The following SOX5 variants were observed in gnomAD, a reference collection of about 807,000 sequenced individuals.
SOX5 encodes SRY-box transcription factor 5.
SOX5 carries 9 observed loss-of-function variants against 92.0 expected under a neutral mutation model. The ratio of observed to expected loss-of-function variants is 0.10; its 90% CI spans 0.06 to 0.17. The LOEUF (loss-of-function observed/expected upper bound fraction) is 0.17. SOX5 is among the 10% of genes least tolerant of loss of function. The pLI, the probability that SOX5 is intolerant of heterozygous loss-of-function variation, is 1.00. For synonymous variants in SOX5, 344 were observed against 336.3 expected (o/e 1.02, Z -0.25); for missense variants, 642 against 944.5 (o/e 0.68, Z 4.20).
intron 3 of SOX5, among the ~76,000 whole-genome samples, chr12:24,256,160 T>C (rs1358157078): frequency 2.0e-5 from 3 of 152,176 alleles, no homozygotes; most frequent in Admixed American, 2.0e-4. Flanking sequence ...GCCCGAGATG[T>C]GTGGCAGATA....
At chr12:24,561,364 T>C (rs1034816949) in intron 1 of SOX5, among the ~76,000 whole-genome samples, 2 of 152,228 alleles carry the variant, frequency 1.3e-5, no homozygotes, top group Non-Finnish European at 2.9e-5. Context: ...AGGGTCAATC[T>C]ATTTATTAAT....
intron 1 of SOX5, among the ~76,000 whole-genome samples, chr12:24,544,865 T>A (rs1286470542): frequency 6.6e-6 from 1 of 152,166 alleles, no homozygotes; most frequent in African/African-American, 2.4e-5. Flanking sequence ...TTGAAGTGGG[T>A]GCAAAAAGAA....
chr12:23,615,339 T>A (rs1487585914), intron 8 of SOX5, among the ~76,000 whole-genome samples: 2 of 152,174 alleles, frequency 1.3e-5, no homozygotes, highest in Non-Finnish European at 2.9e-5. Flanking sequence ...ATTTGAGTTT[T>A]GTTTTATTTT....
chr12:23,986,916 C>G (rs187044788), intron 4 of SOX5, among the ~76,000 whole-genome samples: 1 of 152,120 alleles, frequency 6.6e-6, no homozygotes, highest in Non-Finnish European at 1.5e-5. Context: ...AATTGCTCCT[C>G]TTTTTGTGCT....
At chr12:24,133,227 A>C (rs188020932) in intron 4 of SOX5, among the ~76,000 whole-genome samples, 1 of 152,316 alleles carries the variant, frequency 6.6e-6, no homozygotes, top group African/African-American at 2.4e-5. Context: ...TACTCTGTAC[A>C]TGTCACTCCC....
At chr12:23,896,481 A>G (rs2097179064) in intron 1 of SOX5, among the ~76,000 whole-genome samples, 1 of 152,220 alleles carries the variant, frequency 6.6e-6, no homozygotes, top group Non-Finnish European at 1.5e-5. Context: ...GATTGCCATT[A>G]AAACAAATTT....
In SOX5 at chr12:24,550,416, T is replaced by C. The variant is rs544653158; in HGVS notation, c.-251+11913A>G. ...CTTTCTAGCTTCTGCTCTGGACTCATGCCAAACACAATCTCTGATGACCCT... is the reference window on the plus strand; with the variant it reads ...CTTTCTAGCTTCTGCTCTGGACTCACGCCAAACACAATCTCTGATGACCCT... On this transcript the variant is annotated intron_variant, in intron 1 of 4. Coordinates refer to the SOX5 transcript ENST00000446891. Among the ~76,000 whole-genome samples the C allele has an allele frequency of 1.5e-4, 23 of 152,332 alleles. No homozygotes were observed. The South Asian group carries it at 2.3e-3, about 15-fold the overall frequency.
At chr12:24,386,840 A>C (rs995156475) in intron 1 of SOX5, among the ~76,000 whole-genome samples, 2 of 152,230 alleles carry the variant, frequency 1.3e-5, no homozygotes, top group African/African-American at 4.8e-5. Flanking sequence ...ATTTCTAAAA[A>C]TCCAAGTAGT....
chr12:24,450,923 A>G (rs1438418356), intron 1 of SOX5, among the ~76,000 whole-genome samples: 1 of 152,080 alleles, frequency 6.6e-6, no homozygotes, highest in Non-Finnish European at 1.5e-5. Context: ...TTTTGTGCCC[A>G]TTAATCATCC....
intron 2 of SOX5, among the ~76,000 whole-genome samples, chr12:23,874,193 A>G (rs749571708): frequency 6.6e-6 from 1 of 152,256 alleles, no homozygotes; most frequent in Non-Finnish European, 1.5e-5. Flanking sequence ...ATTCATTTTC[A>G]GTAAGATTTA....
intron 4 of SOX5, among the ~76,000 whole-genome samples, chr12:24,051,940 A>G (rs1957598554): frequency 6.6e-6 from 1 of 152,208 alleles, no homozygotes; most frequent in Non-Finnish European, 1.5e-5. Flanking sequence ...GATTATCAAT[A>G]TCCATTTAAT....
chr12:24,159,408 T>C (rs1952525895), intron 4 of SOX5, among the ~76,000 whole-genome samples: 1 of 151,982 alleles, frequency 6.6e-6, no homozygotes, highest in Non-Finnish European at 1.5e-5. Context: ...AAGAAAAATA[T>C]TTATTTTGTA....
intron 3 of SOX5, among the ~76,000 whole-genome samples, chr12:24,226,852 TTGAATGAA>T (rs575561385): frequency 0.02 from 2,439 of 123,144 alleles, 66 homozygotes; most frequent in African/African-American, 0.063. Flanking sequence ...AAAACAGTGA[TTGAATGAA>T]TGAATGAATG....
chr12:23,672,087 C>CA (rs77752280), intron 6 of SOX5, among the ~76,000 whole-genome samples: 187 of 145,600 alleles, frequency 1.3e-3, no homozygotes, highest in Middle Eastern at 3.5e-3. Flanking sequence ...AAAAACAAAA[C>CA]AAAAAAAAAA....
At chr12:24,101,848 T>C (rs569935304) in intron 4 of SOX5, among the ~76,000 whole-genome samples, 4 of 152,252 alleles carry the variant, frequency 2.6e-5, no homozygotes, top group Admixed American at 2.0e-4. Flanking sequence ...GATAGACCCA[T>C]ACCAATAAAA....
At chr12:24,033,515 C>T (rs1332448647) in intron 4 of SOX5, among the ~76,000 whole-genome samples, 1 of 151,940 alleles carries the variant, frequency 6.6e-6, no homozygotes, top group Non-Finnish European at 1.5e-5. Flanking sequence ...TTACAATTTT[C>T]TGCAGCATCA....
intron 1 of SOX5, among the ~76,000 whole-genome samples, chr12:24,432,536 T>G (rs1938557717): frequency 6.6e-6 from 1 of 152,132 alleles, no homozygotes; most frequent in Admixed American, 6.5e-5. Context: ...GGATATCAGC[T>G]GGGTGCGGTG....
At chr12:24,420,868 C>T (rs1190944722) in intron 1 of SOX5, among the ~76,000 whole-genome samples, 1 of 152,110 alleles carries the variant, frequency 6.6e-6, no homozygotes, top group Non-Finnish European at 1.5e-5. Flanking sequence ...GAGCCAGCTG[C>T]CAGTCTTTCA....
At chr12:24,422,932 G>T (rs1209791089) in intron 1 of SOX5, among the ~76,000 whole-genome samples, 1 of 152,170 alleles carries the variant, frequency 6.6e-6, no homozygotes, top group Non-Finnish European at 1.5e-5. Context: ...AATCGCCTGA[G>T]TCTGGAAGAT....
Sources: allele counts gnomAD v4.1 joint callset (sites outside exome capture counted in the v4.1 genomes callset), GRCh38; gene constraint gnomAD v4.1.1; transcripts MANE v1.5; gene names NCBI Gene and HGNC (gene_info 2026-07-23, HGNC 2026-07-21).